Variants in ADD2 observed in about 807,000 individuals in gnomAD.
ADD2 encodes the protein beta-adducin.
A neutral mutation model predicts 83.0 loss-of-function variants in ADD2; 23 were observed. That is an observed-to-expected ratio of 0.28 (90% CI 0.20 to 0.39). The LOEUF (loss-of-function observed/expected upper bound fraction) is 0.39. Ranked by LOEUF, ADD2 falls within the 10% of genes least tolerant of loss-of-function variation. ADD2 has a pLI of 1.00. For missense variants in ADD2, 758 were observed against 944.9 expected, an observed-to-expected ratio of 0.80 and a Z score of 2.59; for synonymous variants, 375 against 375.4, an observed-to-expected ratio of 1.00 and a Z score of 0.01.
chr2:70,677,090 G>A (rs1333783403), intron 12 of ADD2, among the ~76,000 whole-genome samples: 1 of 152,148 alleles, frequency 6.6e-6, no homozygotes, highest in Non-Finnish European at 1.5e-5. Context: ...TAAAGCACCA[G>A]ATTTTCATGA....
chr2:70,747,719 T>C (rs1674296689), intron 1 of ADD2, among the ~76,000 whole-genome samples: 1 of 152,242 alleles, frequency 6.6e-6, no homozygotes, highest in Admixed American at 6.5e-5. Flanking sequence ...TCTTTATATC[T>C]TCTACACACA....
At position 70,678,657 on chromosome 2, in the gene ADD2, T is replaced by C. The variant is rs372036565; in HGVS notation, c.1383+47A>G. The C allele has an allele frequency of 7.7e-4, 1,156 of 1,510,384 alleles. 22 individuals carry two copies. In the South Asian group the frequency reaches 0.014, roughly 19 times the overall value. 93.6% of individuals were successfully genotyped at this position (1,510,384 alleles called of 1,614,324 possible). On this transcript the variant is annotated intron_variant, in intron 11 of 15. Coordinates refer to ENST00000264436, the MANE Select transcript of ADD2 (RefSeq NM_001617.4). ...TTTTAAAAATGCTTCACCCTGCTAA[T>C]GCAGCCTGCCCCTCTCTGCCCGGGT...
rs369607569 is a variant in ADD2, at chr2:70,680,174, CT to C, written c.1126-1214del. On this transcript the variant is annotated intron_variant, in intron 10 of 15. Transcript: ENST00000264436. ...CATAAGTCTATGTTTTTTAATACCCCTATGAGTTCACTTTTTATGTTTACCA... is the reference window on the plus strand; with the variant it reads ...CATAAGTCTATGTTTTTTAATACCCCATGAGTTCACTTTTTATGTTTACCA... 4.7e-3 allele frequency among the ~76,000 whole-genome samples: 710 copies of C among 152,230 alleles called. 5 individuals carry two copies. Among genetic ancestry groups the C allele is most frequent in the Non-Finnish European group, 7.3e-3 (496 of 68,016 alleles).
chr2:70,696,318 C>T lies in ADD2; in HGVS notation c.401G>A (p.Arg134Gln), dbSNP rs1274559163. The part of the protein sequence containing the change: ...LNLAKGERLM[R>Q]CKISSVYRLL... ...TCGGTAGACACTGCTGATCTTGCAC[C>T]GCATGAGCCGCTCCCCTTTGGCCAG... is the stretch of plus-strand genomic sequence containing the variant. Residue 134 changes from arginine to glutamine, a missense_variant, in exon 5 of 16, where the codon CGG becomes CAG. Physicochemically the swap from Arg to Gln is conservative, Grantham distance 43 (BLOSUM62 1). Coordinates refer to ENST00000264436, the MANE Select transcript of ADD2 (RefSeq NM_001617.4). The T allele has an allele frequency of 3.7e-6, 6 of 1,613,964 alleles. No homozygotes were observed. The highest frequency in any genetic ancestry group is 1.3e-5 in the African/African-American group (1 of 75,040).
intron 14 of ADD2, chr2:70,673,293 G>A (rs782726713): frequency 1.2e-5 from 19 of 1,613,978 alleles, no homozygotes; most frequent in South Asian, 4.4e-5. Context: ...GCACACGGCC[G>A]GACCAGAGCC....
chr2:70,731,687 G>C (rs1361062107), intron 1 of ADD2, among the ~76,000 whole-genome samples: 1 of 152,184 alleles, frequency 6.6e-6, no homozygotes, highest in Non-Finnish European at 1.5e-5. Flanking sequence ...ATCATGTGTG[G>C]CTGCACAGAT....
chr2:70,764,856 A>G (rs928626595), intron 1 of ADD2, among the ~76,000 whole-genome samples: 2 of 152,008 alleles, frequency 1.3e-5, no homozygotes, highest in African/African-American at 4.8e-5. Flanking sequence ...ATGTCAGAGA[A>G]TACACAGATC....
intron 1 of ADD2, among the ~76,000 whole-genome samples, chr2:70,760,075 C>T (rs1553384579): frequency 6.6e-6 from 1 of 152,216 alleles, no homozygotes. Flanking sequence ...TTTACAGAGT[C>T]CTTAAAGAAT....
At chr2:70,736,170 C>A (rs1344124316) in intron 1 of ADD2, among the ~76,000 whole-genome samples, 2 of 152,116 alleles carry the variant, frequency 1.3e-5, no homozygotes, top group Non-Finnish European at 2.9e-5. Flanking sequence ...GAGGGTATGA[C>A]CTGTCTCCCA....
intron 1 of ADD2, among the ~76,000 whole-genome samples, chr2:70,734,985 T>C (rs1673455769): frequency 6.6e-6 from 1 of 152,198 alleles, no homozygotes; most frequent in African/African-American, 2.4e-5. Flanking sequence ...TTTTAGACAC[T>C]GTGAAATCAC....
intron 1 of ADD2, among the ~76,000 whole-genome samples, chr2:70,742,228 G>C (rs1432053432): frequency 1.3e-5 from 2 of 152,154 alleles, no homozygotes; most frequent in African/African-American, 4.8e-5. Context: ...ACATGTTTTT[G>C]GTTAAGAAAG....
chr2:70,691,286 T>C (rs560651360), intron 7 of ADD2, among the ~76,000 whole-genome samples: 95 of 152,220 alleles, frequency 6.2e-4, no homozygotes, highest in Middle Eastern at 6.8e-3. Context: ...AGGCAGGCTG[T>C]GGTGGAGTTT....
intron 7 of ADD2, 44 bp from the exon 8 acceptor site, chr2:70,690,973 C>A (rs782254463): frequency 1.9e-6 from 3 of 1,583,484 alleles, no homozygotes; most frequent in Non-Finnish European, 2.6e-6. Context: ...GCCCTCCCTG[C>A]CCTTTCCTCA....
chr2:70,696,179 G>A, intron 5 of ADD2, 66 bp downstream of exon 5: 2 of 1,562,774 alleles, frequency 1.3e-6, no homozygotes, highest in Non-Finnish European at 1.7e-6. Flanking sequence ...AGGGTCAGGA[G>A]TTCTCCCTTT....
intron 1 of ADD2, among the ~76,000 whole-genome samples, chr2:70,737,167 C>T (rs1217371219): frequency 3.3e-5 from 5 of 152,080 alleles, no homozygotes; most frequent in South Asian, 2.1e-4. Context: ...GACAGTGTGG[C>T]GATTCCTCAA....
chr2:70,727,665 T>C (rs1277195370), intron 1 of ADD2, among the ~76,000 whole-genome samples: 1 of 151,992 alleles, frequency 6.6e-6, no homozygotes, highest in Non-Finnish European at 1.5e-5. Context: ...GAGGCTGAGG[T>C]GGGCAGATCA....
intron 1 of ADD2, among the ~76,000 whole-genome samples, chr2:70,764,741 G>C (rs1029970507): frequency 1.3e-5 from 2 of 151,734 alleles, no homozygotes; most frequent in Non-Finnish European, 2.9e-5. Context: ...CTATGATCAT[G>C]CCACTGCATT....
chr2:70,700,284 C>T (rs944029270), intron 4 of ADD2, among the ~76,000 whole-genome samples: 2 of 152,002 alleles, frequency 1.3e-5, no homozygotes, highest in Admixed American at 6.5e-5. Flanking sequence ...AAATCCAATG[C>T]TATTAGCAAA....
Position 70,753,657 on chromosome 2 carries a change from G to A in ADD2, c.-154+14229C>T, listed in dbSNP as rs552365106. ...GTTTCTGTTTCTCAATGAAGCTGGA[G>A]GCACCCAGAAAGGTGGGTGGGGTGG... is the stretch of plus-strand genomic sequence containing the variant. On this transcript the variant is annotated intron_variant, in intron 1 of 15. Coordinates refer to ENST00000264436, the MANE Select transcript of ADD2 (RefSeq NM_001617.4). 1.8e-4 allele frequency among the ~76,000 whole-genome samples: 28 copies of A among 152,262 alleles called. No homozygotes were observed. In the South Asian group the frequency reaches 5.4e-3, roughly 29 times the overall value.
Sources: allele counts gnomAD v4.1 joint callset (sites outside exome capture counted in the v4.1 genomes callset), GRCh38; gene constraint gnomAD v4.1.1; transcripts MANE v1.5; gene names NCBI Gene and HGNC (gene_info 2026-07-23, HGNC 2026-07-21).